ST8SIA2: variants seen among roughly 807,000 people sequenced by gnomAD.
ST8SIA2 encodes alpha-2,8-sialyltransferase 8B.
A neutral mutation model predicts 37.6 loss-of-function variants in ST8SIA2; 22 were observed. That is an observed-to-expected ratio of 0.58 (90% CI 0.42 to 0.83). The LOEUF is 0.83. Ranked by LOEUF, ST8SIA2 falls within the 40% of genes least tolerant of loss-of-function variation. The pLI is 0.00. For synonymous variants in ST8SIA2, 205 were observed against 201.2 expected (o/e 1.02, Z -0.16); for missense variants, 382 against 484.7 (o/e 0.79, Z 1.99).
At chr15:92,407,517 A>G (rs567165457) in intron 1 of ST8SIA2, among the ~76,000 whole-genome samples, 1 of 152,202 alleles carries the variant, frequency 6.6e-6, no homozygotes, top group African/African-American at 2.4e-5. Flanking sequence ...GATCTTTCAC[A>G]CAGCACAGGG....
chr15:92,448,975 T>C (rs2049862697), intron 5 of ST8SIA2, among the ~76,000 whole-genome samples: 1 of 152,148 alleles, frequency 6.6e-6, no homozygotes, highest in South Asian at 2.1e-4. Flanking sequence ...TGTGATAAAA[T>C]ATACATAACA....
At chr15:92,427,749 C>T (rs781518804) in intron 1 of ST8SIA2, among the ~76,000 whole-genome samples, 3 of 152,166 alleles carry the variant, frequency 2.0e-5, no homozygotes, top group Middle Eastern at 3.4e-3. Context: ...TTTGGGAGGC[C>T]GAGGTGGGCA....
At chr15:92,424,917 A>C (rs998136858) in intron 1 of ST8SIA2, among the ~76,000 whole-genome samples, 1 of 152,198 alleles carries the variant, frequency 6.6e-6, no homozygotes, top group South Asian at 2.1e-4. Context: ...AAAGTCGTCA[A>C]CCTCTACCCT....
chr15:92,446,570 T>C (rs780489193), intron 5 of ST8SIA2, among the ~76,000 whole-genome samples: 8 of 152,240 alleles, frequency 5.3e-5, no homozygotes, highest in African/African-American at 1.4e-4. Flanking sequence ...CTCTGTTCTA[T>C]ACACTAAGAC....
In ST8SIA2 at chr15:92,401,810, C is replaced by T. The variant is rs1870857853; in HGVS notation, c.98+7648C>T. Among the ~76,000 whole-genome samples, 7 of 151,826 alleles carry T rather than the reference C, an allele frequency of 4.6e-5. No individual in the cohort carries two copies. The South Asian group carries it at 1.5e-3, about 32-fold the overall frequency. On this transcript the variant is annotated intron_variant, in intron 1 of 5. Coordinates refer to ENST00000268164, the MANE Select transcript of ST8SIA2 (RefSeq NM_006011.4). ...TTCAGGGAAACAATTCCTCCTCCTC[C>T]TCCTCCAGCTTCTTAGTTGATGGCC...
At chr15:92,423,023 C>A (rs1322303286) in intron 1 of ST8SIA2, among the ~76,000 whole-genome samples, 3 of 152,194 alleles carry the variant, frequency 2.0e-5, no homozygotes, top group Non-Finnish European at 4.4e-5. Flanking sequence ...AAAACATATG[C>A]TAAGTGACAG....
intron 1 of ST8SIA2, among the ~76,000 whole-genome samples, chr15:92,427,037 T>A (rs1387118833): frequency 2.0e-5 from 3 of 152,150 alleles, no homozygotes; most frequent in Non-Finnish European, 4.4e-5. Context: ...GAGGTTGTAG[T>A]GAGCCGAGAT....
chr15:92,398,719 C>A (rs1044549115), intron 1 of ST8SIA2, among the ~76,000 whole-genome samples: 1 of 152,164 alleles, frequency 6.6e-6, no homozygotes, highest in African/African-American at 2.4e-5. Flanking sequence ...GGTTGTATAC[C>A]CTGCTGATAA....
intron 2 of ST8SIA2, among the ~76,000 whole-genome samples, chr15:92,432,192 C>T (rs910565283): frequency 2.0e-5 from 3 of 152,178 alleles, no homozygotes; most frequent in Non-Finnish European, 2.9e-5. Context: ...ATCAGCTAGC[C>T]TCTTAGTGCG....
chr15:92,436,278 G>A (rs140508421), intron 3 of ST8SIA2, among the ~76,000 whole-genome samples: 8 of 152,050 alleles, frequency 5.3e-5, no homozygotes, highest in African/African-American at 1.7e-4. Context: ...AAATCCTCCT[G>A]CCAGTATGAG....
chr15:92,398,587 C>T (rs2049448845), intron 1 of ST8SIA2, among the ~76,000 whole-genome samples: 1 of 152,202 alleles, frequency 6.6e-6, no homozygotes, highest in Non-Finnish European at 1.5e-5. Context: ...GTTTGTAGAG[C>T]TCTGTGAGCC....
rs1341630134 is a variant in ST8SIA2, at chr15:92,466,957, GC to G, written c.*2576del. On this transcript the variant is annotated 3_prime_UTR_variant, in exon 6 of 6. Coordinates refer to ENST00000268164, the MANE Select transcript of ST8SIA2 (RefSeq NM_006011.4). The stretch of plus-strand genomic sequence containing the variant: ...CAGGGAGTCACACAGTCTGTACCCG[GC>G]CCCGAGATCCTCTGCTGTAACTGCA... 2.0e-5 allele frequency: 3 copies of G among 152,184 alleles called. No individual in the cohort carries two copies. Among genetic ancestry groups the G allele is most frequent in the Non-Finnish European group, 4.4e-5 (3 of 68,114 alleles). The allele number at this position is 152,184 out of a possible 1,614,324, so 9.4% of individuals were successfully genotyped here.
chr15:92,442,000 C>T (rs932961667), intron 4 of ST8SIA2, among the ~76,000 whole-genome samples: 14 of 152,178 alleles, frequency 9.2e-5, no homozygotes, highest in South Asian at 2.1e-4. Context: ...CTCTCCTGCC[C>T]GGAGCCAAGC....
intron 5 of ST8SIA2, among the ~76,000 whole-genome samples, chr15:92,459,407 A>G (rs1279604309): frequency 6.6e-6 from 1 of 152,198 alleles, no homozygotes; most frequent in Non-Finnish European, 1.5e-5. Context: ...CAGGAGCCTC[A>G]GATGCCTGTG....
In ST8SIA2 at chr15:92,430,120, A is replaced by G. The variant is rs777081902; in HGVS notation, c.161+9A>G. On this transcript the variant is annotated intron_variant, in intron 2 of 5. Transcript: ENST00000268164. ...CATAGCAAATCTAATAGGTTTGTAA[A>G]TTAGATTTTGTGTTCATTTGTTTTT... 1.2e-6 allele frequency: 2 copies of G among 1,613,690 alleles called. No homozygotes were observed. The highest frequency in any genetic ancestry group is 2.2e-5 in the South Asian group (2 of 91,022).
intron 1 of ST8SIA2, among the ~76,000 whole-genome samples, chr15:92,416,640 G>A (rs982854803): frequency 3.9e-5 from 6 of 152,132 alleles, no homozygotes; most frequent in Non-Finnish European, 7.4e-5. Flanking sequence ...AGAACGTGCC[G>A]TTGGACCCGC....
At chr15:92,446,644 A>G (rs1229025642) in intron 5 of ST8SIA2, among the ~76,000 whole-genome samples, 3 of 152,238 alleles carry the variant, frequency 2.0e-5, no homozygotes, top group Non-Finnish European at 4.4e-5. Context: ...ATAGGGAAAG[A>G]TAAATTACAG....
rs1414185610 is a variant in ST8SIA2, at chr15:92,393,964, AGCTGCGC to A, written c.-98_-92del. 1 of 704,784 alleles carries A rather than the reference AGCTGCGC, an allele frequency of 1.4e-6. No homozygotes were observed. The highest frequency in any genetic ancestry group is 2.0e-5 in the African/African-American group (1 of 50,076). 43.7% of individuals were successfully genotyped at this position (704,784 alleles called of 1,614,324 possible). On this transcript the variant is annotated 5_prime_UTR_variant, in exon 1 of 6. Coordinates refer to ENST00000268164, the MANE Select transcript of ST8SIA2 (RefSeq NM_006011.4). ...CGTCCGGAGCGCAGGGTGTCTGCCC[AGCTGCGC>A]GCGGCGCGCGGAGGCTCCGGCGTCC... is the stretch of plus-strand genomic sequence containing the variant.
chr15:92,465,686 G>T lies in ST8SIA2; in HGVS notation c.*1301G>T, dbSNP rs970775179. The T allele has an allele frequency of 1.3e-5, 2 of 151,634 alleles. No homozygotes were observed. Among genetic ancestry groups the T allele is most frequent in the Admixed American group, 6.6e-5 (1 of 15,248 alleles). The allele number at this position is 151,634 out of a possible 1,614,324, so 9.4% of individuals were successfully genotyped here. A position where few individuals can be genotyped will look rare whatever the true frequency, so the allele number is the denominator to read the frequency against. On this transcript the variant is annotated 3_prime_UTR_variant, in exon 6 of 6. Transcript: ENST00000268164. Reference sequence around the variant, plus strand: ...GTTCCAATGTCCACCCCACCCCCAGGTACCCGCCTCTTCCCACAGAAGCAA... The same window carrying T: ...GTTCCAATGTCCACCCCACCCCCAGTTACCCGCCTCTTCCCACAGAAGCAA...
Sources: gnomAD v4.1 joint callset for allele counts (sites outside exome capture counted in the v4.1 genomes callset) on GRCh38, gnomAD v4.1.1 for gene constraint, MANE v1.5 for transcripts, NCBI Gene and HGNC (gene_info 2026-07-23, HGNC 2026-07-21) for gene names.